Variants in USH2A observed in about 807,000 individuals in gnomAD.
USH2A encodes Usher syndrome 2A (autosomal recessive, mild).
Under a neutral mutation model 538.9 loss-of-function variants are expected in USH2A, and 443 were observed. That is an observed-to-expected ratio of 0.82 (90% confidence interval 0.76 to 0.89). USH2A has a LOEUF of 0.89. Ranked by LOEUF, USH2A falls within the 40% of genes least tolerant of loss-of-function variation. USH2A has a pLI of 0.00. For missense variants in USH2A, 6,633 were observed against 6,324.8 expected (o/e 1.05, Z -1.65); for synonymous variants, 2,413 against 2,273.5 (o/e 1.06, Z -1.75).
At chr1:216,088,775 G>A (rs1479666905) in intron 23 of USH2A, among the ~76,000 whole-genome samples, 1 of 152,152 alleles carries the variant, frequency 6.6e-6, no homozygotes, top group Non-Finnish European at 1.5e-5. Flanking sequence ...GTAAAGAACT[G>A]TAAAAGACAT....
chr1:216,190,198 T>C (rs1441911402), intron 20 of USH2A, 25 bp downstream of exon 20: 2 of 1,611,588 alleles, frequency 1.2e-6, no homozygotes, highest in East Asian at 4.5e-5. Flanking sequence ...CAACAGATTT[T>C]TCATATCCAT....
At chr1:215,673,967 A>G in intron 63 of USH2A, 133 bp downstream of exon 63, 2 of 1,493,998 alleles carry the variant, frequency 1.3e-6, no homozygotes, top group Non-Finnish European at 1.8e-6. Flanking sequence ...TCTACTATGC[A>G]CGTTTAGGTG....
At chr1:215,993,913 C>T (rs992767896) in intron 34 of USH2A, among the ~76,000 whole-genome samples, 5 of 152,066 alleles carry the variant, frequency 3.3e-5, no homozygotes, top group South Asian at 2.1e-4. Context: ...CAGAAACTTC[C>T]GTGTGCAATT....
chr1:215,627,749 C>A (rs1656111148), intron 71 of USH2A, among the ~76,000 whole-genome samples: 3 of 152,092 alleles, frequency 2.0e-5, no homozygotes, highest in Admixed American at 2.0e-4. Flanking sequence ...TGGTCTCTAT[C>A]TAACTCTGGA....
At chr1:215,979,345 T>G (rs537410430) in intron 35 of USH2A, among the ~76,000 whole-genome samples, 1 of 152,224 alleles carries the variant, frequency 6.6e-6, no homozygotes, top group East Asian at 1.9e-4. Flanking sequence ...CGATAAAGTC[T>G]AATAGAAAAC....
chr1:215,654,133 A>G (rs1341754458), intron 64 of USH2A, among the ~76,000 whole-genome samples: 3 of 152,104 alleles, frequency 2.0e-5, no homozygotes, highest in African/African-American at 7.2e-5. Flanking sequence ...TTTATTCAGG[A>G]TATTTTTGTT....
intron 47 of USH2A, among the ~76,000 whole-genome samples, chr1:215,818,805 C>T (rs985862616): frequency 2.0e-5 from 3 of 151,798 alleles, no homozygotes; most frequent in Admixed American, 6.6e-5. Flanking sequence ...GCCTAGACCA[C>T]ACATCTATGC....
At chr1:216,318,353 A>G (rs1403724493) in intron 9 of USH2A, among the ~76,000 whole-genome samples, 1 of 152,192 alleles carries the variant, frequency 6.6e-6, no homozygotes, top group Non-Finnish European at 1.5e-5. Context: ...AAAAAGTAGA[A>G]CAACAAGAAA....
At chr1:216,025,381 T>C (rs1030015484) in intron 32 of USH2A, among the ~76,000 whole-genome samples, 3 of 148,374 alleles carry the variant, frequency 2.0e-5, no homozygotes, top group East Asian at 1.9e-4. Flanking sequence ...TTCATGGTAG[T>C]AATTTTACAA....
intron 16 of USH2A, among the ~76,000 whole-genome samples, chr1:216,203,305 TAC>T (rs1450880257): frequency 6.6e-6 from 1 of 151,996 alleles, no homozygotes; most frequent in Non-Finnish European, 1.5e-5. Context: ...TTCCTATACA[TAC>T]ATATCTATGA....
At chr1:216,231,837 G>T in intron 14 of USH2A, 116 bp downstream of exon 14, 1 of 1,278,226 alleles carries the variant, frequency 7.8e-7, no homozygotes, top group Non-Finnish European at 1.1e-6. Context: ...ACAGGTGTGA[G>T]CCACCAAGCC....
intron 11 of USH2A, among the ~76,000 whole-genome samples, chr1:216,285,725 A>G (rs2036870004): frequency 6.6e-6 from 1 of 152,236 alleles, no homozygotes; most frequent in African/African-American, 2.4e-5. Flanking sequence ...GTACCCAGCA[A>G]AGCCACAGGG....
At chr1:215,951,486 T>C (rs1184006949) in intron 37 of USH2A, among the ~76,000 whole-genome samples, 1 of 152,204 alleles carries the variant, frequency 6.6e-6, no homozygotes, top group Non-Finnish European at 1.5e-5. Flanking sequence ...ATGTGGTCAA[T>C]TTTGGAATAG....
At chr1:215,938,866 T>G (rs492474) in intron 37 of USH2A, among the ~76,000 whole-genome samples, 26,932 of 152,064 alleles carry the variant, frequency 0.18, 2,521 homozygotes, top group South Asian at 0.27. Flanking sequence ...TCAAAATCAC[T>G]TGGGGTTACC....
chr1:216,353,692 A>C (rs1184345863), intron 4 of USH2A, among the ~76,000 whole-genome samples: 3 of 152,144 alleles, frequency 2.0e-5, no homozygotes, highest in Non-Finnish European at 4.4e-5. Context: ...GTTGTGCCAA[A>C]GAAAAAAAGG....
In USH2A at chr1:215,743,281, C is replaced by A; in HGVS notation, c.11444G>T (p.Ser3815Ile). 3.1e-6 allele frequency: 5 copies of A among 1,610,786 alleles called. No homozygotes were observed. Among genetic ancestry groups the A allele is most frequent in the Non-Finnish European group, 4.2e-6 (5 of 1,179,042 alleles). Residue 3815 changes from serine (S) to isoleucine (I), a missense_variant, in exon 59 of 72, where the codon AGT (serine) becomes ATT (isoleucine). Coordinates refer to ENST00000307340, the MANE Select transcript of USH2A (RefSeq NM_206933.4). ...AACGGAGAAGGCCAGAGGTGTTACACTTCCATCATTGAGTAAGACATTGTA... is the reference window on the plus strand; with the variant it reads ...AACGGAGAAGGCCAGAGGTGTTACAATTCCATCATTGAGTAAGACATTGTA... ...VEYNVLLNDGSVTPLAFSVGH... is the reference protein window; with the variant it reads ...VEYNVLLNDGIVTPLAFSVGH...
At chr1:216,072,635 A>C (rs2031593835) in intron 29 of USH2A, 3 of 519,386 alleles carry the variant, frequency 5.8e-6, no homozygotes, top group Non-Finnish European at 7.0e-6. Flanking sequence ...AGACAACCTG[A>C]ACTTTCCTTA....
chr1:216,422,315 A>G lies in USH2A; in HGVS notation c.22T>C (p.Leu8=), dbSNP rs778803503. 3.8e-5 allele frequency: 61 copies of G among 1,613,724 alleles called. No homozygotes were observed. The highest frequency in any genetic ancestry group is 1.3e-4 in the East Asian group (6 of 44,874). The stretch of plus-strand genomic sequence containing the variant: ...ACCTGAAACAAGAAGCCAGAGCCCA[A>G]TGAAAGAACTGGGCAATTCATGTTT... MNCPVLS[L]GSGFLFQVIE... Residue 8 remains leucine, a synonymous_variant, in exon 2 of 72, where the codon TTG becomes CTG. Coordinates refer to ENST00000307340, the MANE Select transcript of USH2A (RefSeq NM_206933.4).
rs1307385477 is a variant in USH2A, at chr1:215,630,480, GTGTATATATATATATATATATATATA to G, written c.15298-1471_15298-1446del. 8.0e-3 allele frequency among the ~76,000 whole-genome samples: 851 copies of G among 105,930 alleles called. 12 individuals are homozygous for G. Among genetic ancestry groups the G allele is most frequent in the South Asian group, 0.013 (37 of 2,874 alleles). The allele number at this position is 105,930 out of a possible 152,430, so 69.5% of individuals were successfully genotyped here. A position where few individuals can be genotyped will look rare whatever the true frequency, so the allele number is the denominator to read the frequency against. On this transcript the variant is annotated intron_variant, in intron 70 of 71. Transcript: ENST00000307340. ...AATATATATGTATGTGTATGTGTGTGTGTATATATATATATATATATATATATATATATATATATATATATATGAGA... is the reference window on the plus strand; with the variant it reads ...AATATATATGTATGTGTATGTGTGTGTATATATATATATATATATATGAGA...
Sources: gnomAD v4.1 joint callset for allele counts (sites outside exome capture counted in the v4.1 genomes callset) on GRCh38, gnomAD v4.1.1 for gene constraint, MANE v1.5 for transcripts, NCBI Gene and HGNC (gene_info 2026-07-23, HGNC 2026-07-21) for gene names.